NAV2: variants seen among roughly 807,000 people sequenced by gnomAD.
The protein encoded by NAV2 is neuron navigator 2.
Under a neutral mutation model 223.2 loss-of-function variants are expected in NAV2, and 54 were observed. The ratio of observed to expected loss-of-function variants is 0.24; its 90% CI spans 0.19 to 0.30. The LOEUF (loss-of-function observed/expected upper bound fraction) is 0.30. Among genes scored for constraint, NAV2 ranks in the 10% least tolerant of loss-of-function variants. The pLI is 1.00. For missense variants in NAV2, 2,806 were observed against 3,147.5 expected (o/e 0.89, Z 2.60); for synonymous variants, 1,279 against 1,239.3 (o/e 1.03, Z -0.67).
intron 36 of NAV2, among the ~76,000 whole-genome samples, chr11:20,108,502 G>A (rs535737547): frequency 1.3e-5 from 2 of 152,054 alleles, no homozygotes; most frequent in South Asian, 4.1e-4. Context: ...GAGTACAGTG[G>A]CACAATCTCA....
chr11:19,757,551 C>T (rs1432023255), intron 1 of NAV2, among the ~76,000 whole-genome samples: 1 of 152,130 alleles, frequency 6.6e-6, no homozygotes, highest in East Asian at 1.9e-4. Context: ...GTTTTATCAG[C>T]TATAAAGTAG....
Position 20,082,563 on chromosome 11 carries a change from C to T in NAV2, c.5326-444C>T. On this transcript the variant is annotated intron_variant, in intron 25 of 37. Coordinates refer to ENST00000349880, the MANE Select transcript of NAV2 (RefSeq NM_145117.5). ...AAATTGTCTTTTTTCCTCCCCCTTC[C>T]CCATTTTTGCTTGCGTTTTCTCTGG... 7 of 1,613,770 alleles carry T rather than the reference C, an allele frequency of 4.3e-6. No individual in the cohort carries two copies. In the South Asian group the frequency reaches 7.7e-5, roughly 18 times the overall value.
intron 1 of NAV2, among the ~76,000 whole-genome samples, chr11:19,620,165 T>G (rs529895745): frequency 9.9e-4 from 151 of 152,262 alleles, no homozygotes; most frequent in African/African-American, 3.6e-3. Flanking sequence ...TACTGTAGCC[T>G]TGTAGTATAG....
chr11:19,696,177 A>T (rs756202262), intron 1 of NAV2, among the ~76,000 whole-genome samples: 8 of 152,022 alleles, frequency 5.3e-5, no homozygotes, highest in Non-Finnish European at 1.0e-4. Context: ...AAAAAAAAAT[A>T]AAAAAAATAA....
At chr11:19,357,771 A>T (rs1002235517) in intron 1 of NAV2, among the ~76,000 whole-genome samples, 6 of 152,218 alleles carry the variant, frequency 3.9e-5, no homozygotes, top group African/African-American at 1.4e-4. Flanking sequence ...ATCTTCCTTT[A>T]TGTAGCAATC....
intron 11 of NAV2, among the ~76,000 whole-genome samples, chr11:19,990,944 C>T (rs1433296766): frequency 6.6e-6 from 1 of 152,084 alleles, no homozygotes; most frequent in Admixed American, 6.5e-5. Context: ...GTGAGTTTTG[C>T]TGTAAACATG....
chr11:20,056,370 C>T (rs565991428), intron 19 of NAV2, among the ~76,000 whole-genome samples: 8 of 152,300 alleles, frequency 5.3e-5, no homozygotes, highest in South Asian at 2.1e-4. Flanking sequence ...CTCTGGGGGC[C>T]GGGCAGCCAC....
chr11:20,053,016 A>G (rs1358503085), intron 17 of NAV2, among the ~76,000 whole-genome samples: 2 of 152,086 alleles, frequency 1.3e-5, no homozygotes, highest in Non-Finnish European at 2.9e-5. Context: ...CGGGAGTTCA[A>G]GACCAGCCTG....
intron 1 of NAV2, among the ~76,000 whole-genome samples, chr11:19,407,699 G>T: frequency 1.1e-5 from 1 of 91,278 alleles, no homozygotes; most frequent in Admixed American, 1.4e-4. Flanking sequence ...CATAGCCCCC[G>T]CATGCCCCCC....
rs11025165 is a variant in NAV2, at chr11:19,520,388, C to T, written c.75+169361C>T. 5.5e-3 allele frequency among the ~76,000 whole-genome samples: 836 copies of T among 152,348 alleles called. 2 individuals carry two copies. The highest frequency in any genetic ancestry group is 8.8e-3 in the Non-Finnish European group (601 of 68,030). The stretch of plus-strand genomic sequence containing the variant: ...AGAAGGGAAGAAGCCATGGGATGCC[C>T]TGCCAACCCTGAGGCAAAATCCGCC... On this transcript the variant is annotated intron_variant, in intron 1 of 37. Transcript: ENST00000360655.
intron 1 of NAV2, among the ~76,000 whole-genome samples, chr11:19,533,686 C>G (rs979932002): frequency 1.3e-5 from 2 of 151,552 alleles, no homozygotes; most frequent in Non-Finnish European, 2.9e-5. Context: ...GTCTCTCTCT[C>G]TCTCCCCTCT....
chr11:20,032,923 A>T (rs1481943478), intron 11 of NAV2, among the ~76,000 whole-genome samples: 1 of 152,254 alleles, frequency 6.6e-6, no homozygotes, highest in Non-Finnish European at 1.5e-5. Flanking sequence ...ACATTGCTGC[A>T]GCATTGCCCC....
intron 11 of NAV2, among the ~76,000 whole-genome samples, chr11:20,006,036 G>A (rs935301630): frequency 6.6e-6 from 1 of 152,020 alleles, no homozygotes; most frequent in Non-Finnish European, 1.5e-5. Flanking sequence ...GATCACCTGA[G>A]GTCAGGAGTT....
At chr11:19,525,896 T>C (rs528397731) in intron 1 of NAV2, among the ~76,000 whole-genome samples, 5 of 152,046 alleles carry the variant, frequency 3.3e-5, no homozygotes, top group South Asian at 2.1e-4. Flanking sequence ...GAAAAACCAG[T>C]CTTCAGGCTT....
At chr11:19,879,641 A>G (rs972686362) in intron 4 of NAV2, among the ~76,000 whole-genome samples, 3 of 152,170 alleles carry the variant, frequency 2.0e-5, no homozygotes, top group Non-Finnish European at 4.4e-5. Flanking sequence ...CTTGGCACCT[A>G]CCAGACATCC....
At chr11:19,911,547 A>G (rs12277286) in intron 6 of NAV2, among the ~76,000 whole-genome samples, 6,304 of 152,236 alleles carry the variant, frequency 0.041, 444 homozygotes, top group African/African-American at 0.14. Context: ...GTCATGTTCA[A>G]TAAATCCTTG....
chr11:19,566,054 T>G (rs976916878), intron 1 of NAV2, among the ~76,000 whole-genome samples: 1 of 150,164 alleles, frequency 6.7e-6, no homozygotes, highest in Non-Finnish European at 1.5e-5. Flanking sequence ...TTTATTTTAT[T>G]TTATTTTATT....
intron 36 of NAV2, among the ~76,000 whole-genome samples, chr11:20,113,218 T>G (rs1311776421): frequency 6.6e-6 from 1 of 152,212 alleles, no homozygotes; most frequent in African/African-American, 2.4e-5. Context: ...ATCACGGATA[T>G]TAGTACTTCC....
At chr11:19,671,690 T>C (rs1169985833) in intron 1 of NAV2, among the ~76,000 whole-genome samples, 1 of 152,238 alleles carries the variant, frequency 6.6e-6, no homozygotes, top group Non-Finnish European at 1.5e-5. Context: ...TTTCAGGCTT[T>C]GCACGGCCGT....
Sources: allele counts gnomAD v4.1 joint callset (sites outside exome capture counted in the v4.1 genomes callset), GRCh38; gene constraint gnomAD v4.1.1; transcripts MANE v1.5; gene names NCBI Gene and HGNC (gene_info 2026-07-23, HGNC 2026-07-21).